Variants in CNTNAP5 observed in about 807,000 individuals in gnomAD.
CNTNAP5 encodes contactin-associated protein-like 5.
Under a neutral mutation model 150.2 loss-of-function variants are expected in CNTNAP5, and 72 were observed. The observed-to-expected ratio is 0.48, with a 90% CI of 0.40 to 0.58. The LOEUF (loss-of-function observed/expected upper bound fraction) is 0.58, where lower values mean the gene tolerates loss of function less well. Ranked by LOEUF, CNTNAP5 falls within the 20% of genes least tolerant of loss-of-function variation. The probability of loss-of-function intolerance (pLI) is 0.00; values close to 1 mark genes in which losing one functional copy is unlikely to be tolerated. For synonymous variants in CNTNAP5, 672 were observed against 619.8 expected (o/e 1.08, Z -1.25); for missense variants, 1,636 against 1,626.2 (o/e 1.01, Z -0.10).
chr2:124,918,117 G>A lies in CNTNAP5; in HGVS notation c.*3829G>A, dbSNP rs536637823. Among the ~76,000 whole-genome samples the A allele has an allele frequency of 4.6e-5, 7 of 152,122 alleles. No individual in the cohort carries two copies. In the South Asian group the frequency reaches 1.0e-3, roughly 23 times the overall value. ...TGAATTCTCTACATTCTTGTTTCGG[G>A]TCAGGTTGGGGGATTCCAAAAGTCT... On this transcript the variant is annotated 3_prime_UTR_variant, in exon 24 of 24. Coordinates refer to ENST00000682447, the MANE Select transcript of CNTNAP5 (RefSeq NM_001367498.1).
At chr2:124,491,192 T>C (rs1694015771) in intron 7 of CNTNAP5, among the ~76,000 whole-genome samples, 2 of 152,104 alleles carry the variant, frequency 1.3e-5, no homozygotes, top group African/African-American at 4.8e-5. Context: ...TGAAAGTTTG[T>C]ACCCTTTGAT....
chr2:124,506,601 C>CA (rs1423875664), intron 8 of CNTNAP5, among the ~76,000 whole-genome samples: 1 of 152,216 alleles, frequency 6.6e-6, no homozygotes, highest in Non-Finnish European at 1.5e-5. Context: ...GGAAGTCAGG[C>CA]AGTCAAGTTT....
intron 1 of CNTNAP5, among the ~76,000 whole-genome samples, chr2:124,221,071 G>A (rs773360233): frequency 6.6e-6 from 1 of 152,038 alleles, no homozygotes; most frequent in African/African-American, 2.4e-5. Flanking sequence ...TCCACATTTA[G>A]GATAGGTTGG....
intron 1 of CNTNAP5, among the ~76,000 whole-genome samples, chr2:124,104,297 TG>T (rs1285629401): frequency 2.0e-5 from 3 of 152,128 alleles, no homozygotes; most frequent in African/African-American, 7.2e-5. Flanking sequence ...TACATTATTT[TG>T]AGGCAAATTA....
chr2:124,442,009 G>C (rs907355678), intron 5 of CNTNAP5, among the ~76,000 whole-genome samples: 1 of 152,100 alleles, frequency 6.6e-6, no homozygotes, highest in African/African-American at 2.4e-5. Flanking sequence ...TGTTAATTAA[G>C]TTTATGGTTT....
chr2:124,315,734 A>C (rs1430996710), intron 3 of CNTNAP5, among the ~76,000 whole-genome samples: 1 of 152,146 alleles, frequency 6.6e-6, no homozygotes, highest in African/African-American at 2.4e-5. Flanking sequence ...GCTCCGCATG[A>C]AAGTACAAAC....
chr2:124,312,414 T>C (rs1688851694), intron 3 of CNTNAP5, among the ~76,000 whole-genome samples: 1 of 152,126 alleles, frequency 6.6e-6, no homozygotes, highest in South Asian at 2.1e-4. Flanking sequence ...AATGGCGTGA[T>C]CTCGGCTCAC....
Position 124,054,760 on chromosome 2 carries a change from G to A in CNTNAP5, c.82+29028G>A, listed in dbSNP as rs144878269. 3.7e-3 allele frequency among the ~76,000 whole-genome samples: 569 copies of A among 152,202 alleles called. 9 individuals are homozygous for A. Among genetic ancestry groups the A allele is most frequent in the East Asian group, 0.018 (93 of 5,178 alleles). On this transcript the variant is annotated intron_variant, in intron 1 of 23. Transcript: ENST00000682447. ...GCACTCAAGCCCCTTCCTGCTGTTC[G>A]TTAGTAAAATTGCCTACCCTCACCT...
intron 8 of CNTNAP5, among the ~76,000 whole-genome samples, chr2:124,521,148 T>A (rs1341010375): frequency 2.0e-5 from 3 of 152,114 alleles, no homozygotes; most frequent in Admixed American, 6.5e-5. Flanking sequence ...GCAAACAGAA[T>A]CCAAGGGACC....
At chr2:124,251,341 G>A (rs1427309958) in intron 3 of CNTNAP5, among the ~76,000 whole-genome samples, 2 of 151,842 alleles carry the variant, frequency 1.3e-5, no homozygotes, top group African/African-American at 4.8e-5. Flanking sequence ...AAATTGGGCT[G>A]GAGTTATTTA....
chr2:124,518,849 C>A (rs12465931), intron 8 of CNTNAP5, among the ~76,000 whole-genome samples: 1 of 151,248 alleles, frequency 6.6e-6, no homozygotes, highest in Non-Finnish European at 1.5e-5. Context: ...ATTACCCTGG[C>A]GTGGTGGCGG....
At chr2:124,274,537 G>T (rs548699107) in intron 3 of CNTNAP5, among the ~76,000 whole-genome samples, 1 of 152,048 alleles carries the variant, frequency 6.6e-6, no homozygotes, top group South Asian at 2.1e-4. Flanking sequence ...GCACTCTCTT[G>T]CTCTAAATGC....
intron 1 of CNTNAP5, among the ~76,000 whole-genome samples, chr2:124,069,171 T>C (rs1046209902): frequency 2.0e-5 from 3 of 151,950 alleles, no homozygotes; most frequent in African/African-American, 7.3e-5. Context: ...GAAGAGCCCT[T>C]GAACCCTGAG....
At chr2:124,220,977 C>A (rs1686293784) in intron 1 of CNTNAP5, among the ~76,000 whole-genome samples, 1 of 152,096 alleles carries the variant, frequency 6.6e-6, no homozygotes, top group African/African-American at 2.4e-5. Context: ...GGTATATCTA[C>A]CTTCTCAAGA....
At chr2:124,320,064 G>T (rs1169369701) in intron 3 of CNTNAP5, among the ~76,000 whole-genome samples, 1 of 152,092 alleles carries the variant, frequency 6.6e-6, no homozygotes, top group African/African-American at 2.4e-5. Context: ...AGTCTTTTTA[G>T]CCAACGCTCC....
intron 19 of CNTNAP5, among the ~76,000 whole-genome samples, chr2:124,844,118 A>G (rs1224184994): frequency 6.6e-6 from 1 of 151,836 alleles, no homozygotes; most frequent in Admixed American, 6.6e-5. Context: ...TTTCAATGTT[A>G]TCTTCTAGAA....
chr2:124,885,784 G>A (rs1678068584), intron 21 of CNTNAP5, among the ~76,000 whole-genome samples: 1 of 152,012 alleles, frequency 6.6e-6, no homozygotes, highest in Non-Finnish European at 1.5e-5. Flanking sequence ...ATTGCAGCAT[G>A]TAACAGTACT....
intron 3 of CNTNAP5, among the ~76,000 whole-genome samples, chr2:124,271,661 C>CTATT (rs1342663483): frequency 8.2e-6 from 1 of 121,716 alleles, no homozygotes; most frequent in Non-Finnish European, 1.7e-5. Context: ...TTTTTTTAAT[C>CTATT]TATCTATCTA....
chr2:124,642,776 G>A (rs573519537), intron 12 of CNTNAP5, among the ~76,000 whole-genome samples: 1 of 145,928 alleles, frequency 6.9e-6, no homozygotes, highest in African/African-American at 2.4e-5. Context: ...CTGGTGGATA[G>A]CAGAGCACTA....
Sources: allele counts gnomAD v4.1 joint callset (sites outside exome capture counted in the v4.1 genomes callset), GRCh38; gene constraint gnomAD v4.1.1; transcripts MANE v1.5; gene names NCBI Gene and HGNC (gene_info 2026-07-23, HGNC 2026-07-21).